NRXN1: variants seen among roughly 807,000 people sequenced by gnomAD.
NRXN1 encodes neurexin-1.
A neutral mutation model predicts 150.9 loss-of-function variants in NRXN1; 39 were observed. The observed-to-expected ratio is 0.26, with a 90% CI of 0.20 to 0.34. The LOEUF is 0.34. Ranked by LOEUF, NRXN1 falls within the 10% of genes least tolerant of loss-of-function variation. NRXN1 has a pLI of 1.00. For missense variants in NRXN1, 1,815 were observed against 1,949.9 expected, an observed-to-expected ratio of 0.93 and a Z score of 1.30; for synonymous variants, 924 against 757.0, an observed-to-expected ratio of 1.22 and a Z score of -3.62.
At chr2:50,658,218 C>T (rs1465375432) in intron 5 of NRXN1, among the ~76,000 whole-genome samples, 1 of 151,902 alleles carries the variant, frequency 6.6e-6, no homozygotes, top group Non-Finnish European at 1.5e-5. Flanking sequence ...AGAAAGCATT[C>T]ACACTTTGTC....
intron 5 of NRXN1, among the ~76,000 whole-genome samples, chr2:50,652,981 T>C (rs72618641): frequency 0.15 from 22,901 of 152,058 alleles, 1,788 homozygotes; most frequent in East Asian, 0.26. Flanking sequence ...CTGTTTTATT[T>C]TGTTTTCATT....
intron 5 of NRXN1, among the ~76,000 whole-genome samples, chr2:50,705,447 A>T (rs1382655637): frequency 6.6e-6 from 1 of 152,192 alleles, no homozygotes. Context: ...AGCACTTAGC[A>T]AGTGCCTGGT....
chr2:51,017,942 G>A (rs1271887546), intron 2 of NRXN1, among the ~76,000 whole-genome samples: 1 of 152,090 alleles, frequency 6.6e-6, no homozygotes, highest in African/African-American at 2.4e-5. Flanking sequence ...GGAGAGCCCA[G>A]GCATGCTTAA....
At chr2:50,410,006 C>T (rs893774054) in intron 17 of NRXN1, among the ~76,000 whole-genome samples, 4 of 152,106 alleles carry the variant, frequency 2.6e-5, no homozygotes, top group Admixed American at 6.5e-5. Context: ...TTGACATTCC[C>T]TACGTGAACC....
chr2:50,649,927 T>C lies in NRXN1; in HGVS notation c.833-26312A>G, dbSNP rs532878752. Among the ~76,000 whole-genome samples the C allele has an allele frequency of 1.4e-4, 21 of 152,112 alleles. No individual in the cohort carries two copies. The East Asian group carries it at 3.9e-3, about 28-fold the overall frequency. On this transcript the variant is annotated intron_variant, in intron 5 of 22. Transcript: ENST00000401669. ...AACGAAGCAGCTGTGGTCATCTACA[T>C]TCTCACTGTCTAATAGCCACAAGTG...
intron 19 of NRXN1, among the ~76,000 whole-genome samples, chr2:50,067,405 T>A (rs911469461): frequency 2.6e-5 from 4 of 152,256 alleles, no homozygotes; most frequent in Non-Finnish European, 5.9e-5. Flanking sequence ...GGTAACCTTG[T>A]GAATTTTGGA....
intron 16 of NRXN1, among the ~76,000 whole-genome samples, chr2:50,467,373 G>A (rs947674298): frequency 6.6e-6 from 1 of 151,326 alleles, no homozygotes; most frequent in African/African-American, 2.4e-5. Context: ...AAACATATAG[G>A]TTTTATAAAA....
At chr2:50,760,783 C>A (rs1257750656) in intron 5 of NRXN1, among the ~76,000 whole-genome samples, 5 of 151,842 alleles carry the variant, frequency 3.3e-5, no homozygotes, top group Non-Finnish European at 5.9e-5. Flanking sequence ...CATGAAAACT[C>A]CGAGGCAGAT....
At chr2:50,384,263 T>A (rs992358550) in intron 17 of NRXN1, among the ~76,000 whole-genome samples, 1 of 152,012 alleles carries the variant, frequency 6.6e-6, no homozygotes, top group Non-Finnish European at 1.5e-5. Flanking sequence ...TCCCAGCACT[T>A]TGGGAGGCTG....
At chr2:50,604,624 G>C (rs1676802289) in intron 8 of NRXN1, among the ~76,000 whole-genome samples, 1 of 151,768 alleles carries the variant, frequency 6.6e-6, no homozygotes, top group African/African-American at 2.4e-5. Flanking sequence ...TGTTTACTTG[G>C]TGACATACTA....
intron 5 of NRXN1, among the ~76,000 whole-genome samples, chr2:50,812,723 A>AGTGTGT (rs143701404): frequency 0.1 from 15,056 of 145,970 alleles, 864 homozygotes; most frequent in Admixed American, 0.13. Flanking sequence ...AAATAATAAG[A>AGTGTGT]GTGTGTGTGT....
At chr2:50,009,780 A>T (rs1225783630) in intron 21 of NRXN1, among the ~76,000 whole-genome samples, 7 of 152,162 alleles carry the variant, frequency 4.6e-5, no homozygotes, top group Non-Finnish European at 1.0e-4. Context: ...TCACCAGAGT[A>T]GCTTCTGAAT....
At chr2:50,358,651 C>G (rs2078985602) in intron 17 of NRXN1, among the ~76,000 whole-genome samples, 1 of 152,232 alleles carries the variant, frequency 6.6e-6, no homozygotes, top group Admixed American at 6.5e-5. Flanking sequence ...GCTGTTGGCA[C>G]AGCTTCAGCC....
At chr2:50,415,051 A>G (rs1572886175) in intron 17 of NRXN1, among the ~76,000 whole-genome samples, 1 of 152,286 alleles carries the variant, frequency 6.6e-6, no homozygotes, top group African/African-American at 2.4e-5. Flanking sequence ...CACATTAAAC[A>G]TAGTTCTACA....
intron 21 of NRXN1, among the ~76,000 whole-genome samples, chr2:50,045,111 A>G (rs1691605993): frequency 6.6e-6 from 1 of 152,086 alleles, no homozygotes; most frequent in South Asian, 2.1e-4. Context: ...TCCCAGCCTA[A>G]TGGTGTTAAT....
intron 5 of NRXN1, among the ~76,000 whole-genome samples, chr2:50,888,387 C>T (rs1411853983): frequency 6.6e-6 from 1 of 151,424 alleles, no homozygotes; most frequent in Non-Finnish European, 1.5e-5. Context: ...GGTCTTATGC[C>T]ACAGCCAGTA....
intron 21 of NRXN1, among the ~76,000 whole-genome samples, chr2:50,050,206 T>C (rs1322377448): frequency 6.6e-6 from 1 of 150,730 alleles, no homozygotes; most frequent in African/African-American, 2.4e-5. Context: ...TAAGTAGGAA[T>C]ATAAACAGGA....
intron 18 of NRXN1, among the ~76,000 whole-genome samples, chr2:50,163,837 G>A (rs557203434): frequency 1.4e-4 from 22 of 152,114 alleles, no homozygotes; most frequent in Non-Finnish European, 8.8e-5. Flanking sequence ...TGGATTTTCA[G>A]GGCTGAACCA....
chr2:50,580,085 G>A (rs527518868), intron 8 of NRXN1, among the ~76,000 whole-genome samples: 2 of 152,230 alleles, frequency 1.3e-5, no homozygotes, highest in Admixed American at 6.5e-5. Context: ...AGACTGGCTA[G>A]TTACATGAAA....
Sources: allele counts gnomAD v4.1 joint callset (sites outside exome capture counted in the v4.1 genomes callset), GRCh38; gene constraint gnomAD v4.1.1; transcripts MANE v1.5; gene names NCBI Gene and HGNC (gene_info 2026-07-23, HGNC 2026-07-21).